The following OAT variants were observed in gnomAD, a reference collection of about 807,000 sequenced individuals.
OAT encodes ornithine aminotransferase, mitochondrial.
A neutral mutation model predicts 48.4 loss-of-function variants in OAT; 35 were observed. The observed-to-expected ratio is 0.72, with a 90% CI of 0.55 to 0.96. The LOEUF (loss-of-function observed/expected upper bound fraction) is 0.96, where lower values mean the gene tolerates loss of function less well. Ranked by LOEUF, OAT falls within the 40% of genes least tolerant of loss-of-function variation. The pLI is 0.00. For synonymous variants in OAT, 182 were observed against 198.4 expected, an observed-to-expected ratio of 0.92 and a Z score of 0.70; for missense variants, 438 against 537.9, an observed-to-expected ratio of 0.81 and a Z score of 1.84.
intron 2 of OAT, among the ~76,000 whole-genome samples, chr10:124,409,831 TA>T (rs1401771981): frequency 2.0e-5 from 3 of 152,164 alleles, no homozygotes; most frequent in Admixed American, 1.3e-4. Context: ...TCAACATCAC[TA>T]ATCATTAGGA....
chr10:124,400,996 GA>G lies in OAT; in HGVS notation c.1015-13del. Reference sequence around the variant, plus strand: ...TCTTCTTCTAAAACCTACGTTTAAAGAAAAATTATACAAATATTAAGACTGT... The same window carrying G: ...TCTTCTTCTAAAACCTACGTTTAAAGAAAATTATACAAATATTAAGACTGT... On this transcript the variant is annotated splice_polypyrimidine_tract_variant and intron_variant, in intron 8 of 9. Transcript: ENST00000368845. The G allele has an allele frequency of 6.3e-7, 1 of 1,599,018 alleles. No homozygotes were observed.
rs144131321 is a variant in OAT, at chr10:124,402,983, T to A, written c.844A>T (p.Asn282Tyr). 2 of 1,614,000 alleles carry A rather than the reference T, an allele frequency of 1.2e-6. No homozygotes were observed. Among genetic ancestry groups the A allele is most frequent in the Non-Finnish European group, 1.7e-6 (2 of 1,180,022 alleles). Residue 282 changes from asparagine to tyrosine, a missense_variant, in exon 7 of 10, where the codon AAT (asparagine) becomes TAT (tyrosine). Asn to Tyr is a moderately radical substitution (Grantham distance 143, BLOSUM62 -2). Coordinates refer to ENST00000368845, the MANE Select transcript of OAT (RefSeq NM_000274.4). ...TGRWLAVDYE[N>Y]VRPDIVLLGK... ...AGGAGGACTATATCAGGTCTGACAT[T>A]TTCATAATCAACAGCCAGCCATCTA...
chr10:124,410,807 T>C (rs1270929978), intron 2 of OAT, among the ~76,000 whole-genome samples: 1 of 151,420 alleles, frequency 6.6e-6, no homozygotes, highest in Non-Finnish European at 1.5e-5. Flanking sequence ...CAAAAAGTCA[T>C]TGCGTTTTTG....
At chr10:124,414,977 C>T (rs569798235) in intron 1 of OAT, 3 of 142,278 alleles carry the variant, frequency 2.1e-5, no homozygotes, top group African/African-American at 7.8e-5. Flanking sequence ...ACTTAGGAGA[C>T]TAAGACTAAG....
At position 124,411,973 on chromosome 10, in the gene OAT, CT is replaced by C. The variant is rs1432416419; in HGVS notation, c.198del (p.Gly67ValfsTer7). 3.7e-6 allele frequency: 6 copies of C among 1,613,252 alleles called. No individual in the cohort carries two copies. Among genetic ancestry groups the C allele is most frequent in the Non-Finnish European group, 5.1e-6 (6 of 1,179,558 alleles). ...HPLPVALERG[K>X]GIYLWDVEGR... ...AAAGACGGATTAATTTGAAACGTAC[CT>C]TTTCCTCTCTCCAGGGCTACAGGTA... On this transcript the variant is annotated frameshift_variant and splice_region_variant, in exon 2 of 10. Transcript: ENST00000368845. LOFTEE classifies it high-confidence loss of function.
intron 1 of OAT, among the ~76,000 whole-genome samples, chr10:124,415,512 A>T (rs982483833): frequency 6.6e-6 from 1 of 152,232 alleles, no homozygotes; most frequent in Admixed American, 6.5e-5. Flanking sequence ...GATGTATCAA[A>T]ATCCTGTAAA....
Position 124,408,532 on chromosome 10 carries a change from T to G in OAT, c.520+10A>C, listed in dbSNP as rs747375268. Reference sequence around the variant, plus strand: ...TTCAATCATAGAAGTTAATATTTAATTTCACATACCTGCAAAAACAATCTT... The same window carrying G: ...TTCAATCATAGAAGTTAATATTTAAGTTCACATACCTGCAAAAACAATCTT... On this transcript the variant is annotated intron_variant, in intron 4 of 9. Transcript: ENST00000368845. The G allele has an allele frequency of 1.3e-6, 2 of 1,597,600 alleles. No individual in the cohort carries two copies. Among genetic ancestry groups the G allele is most frequent in the South Asian group, 2.2e-5 (2 of 90,694 alleles).
Position 124,403,807 on chromosome 10 carries a change from G to C in OAT, c.762C>G (p.Thr254=). The part of the protein sequence containing the change: ...GYLMGVRELC[T]RHQVLFIADE... Reference sequence around the variant, plus strand: ...CAGCTAACGTGACAACCTGGTGCCTGGTGCAGAGCTCTCGCACTCCCATTA... The same window carrying C: ...CAGCTAACGTGACAACCTGGTGCCTCGTGCAGAGCTCTCGCACTCCCATTA... Residue 254 remains threonine, a synonymous_variant, in exon 6 of 10, where the codon ACC becomes ACG. Coordinates refer to ENST00000368845, the MANE Select transcript of OAT (RefSeq NM_000274.4). The C allele has an allele frequency of 6.2e-7, 1 of 1,614,122 alleles. No homozygotes were observed.
intron 1 of OAT, among the ~76,000 whole-genome samples, chr10:124,413,479 T>C (rs1473187962): frequency 1.3e-5 from 2 of 151,938 alleles, no homozygotes; most frequent in Non-Finnish European, 2.9e-5. Context: ...GAATCGGGAG[T>C]TCGAGACCAG....
intron 9 of OAT, among the ~76,000 whole-genome samples, chr10:124,400,349 G>A (rs1951366665): frequency 6.6e-6 from 1 of 151,674 alleles, no homozygotes; most frequent in South Asian, 2.1e-4. Context: ...TCGGGAGGCT[G>A]AGGCAGGAGA....
chr10:124,404,292 G>C (rs1195057459), intron 5 of OAT, among the ~76,000 whole-genome samples: 1 of 150,216 alleles, frequency 6.7e-6, no homozygotes, highest in Non-Finnish European at 1.5e-5. Context: ...TTTGGAGATG[G>C]AGTCTCACTC....
intron 6 of OAT, 49 bp from the exon 7 acceptor site, chr10:124,403,104 A>C: frequency 6.2e-7 from 1 of 1,604,166 alleles, no homozygotes; most frequent in East Asian, 2.2e-5. Flanking sequence ...TCGTTTCCAC[A>C]GGGAAAATAG....
chr10:124,408,789 A>C lies in OAT; in HGVS notation c.376T>G (p.Tyr126Asp). 6.2e-7 allele frequency: 1 copy of C among 1,612,020 alleles called. No individual in the cohort carries two copies. The highest frequency in any genetic ancestry group is 8.5e-7 in the Non-Finnish European group (1 of 1,179,498). The part of the protein sequence containing the change: ...YNNVLGEYEE[Y>D]ITKLFNYHKV... ...TGGTAGTTGAAAAGTTTAGTAATATACTCCTCATATTCACCAAGTACGTTA... is the reference window on the plus strand; with the variant it reads ...TGGTAGTTGAAAAGTTTAGTAATATCCTCCTCATATTCACCAAGTACGTTA... Residue 126 changes from tyrosine (Y) to aspartate (D), a missense_variant, in exon 3 of 10, where the codon TAT becomes GAT. Physicochemically the swap from Tyr to Asp is radical, Grantham distance 160. Transcript: ENST00000368845.
intron 1 of OAT, among the ~76,000 whole-genome samples, chr10:124,418,659 G>GCC (rs1951996911): frequency 6.6e-6 from 1 of 151,670 alleles, no homozygotes; most frequent in South Asian, 2.1e-4. Context: ...GCCGGCCGGA[G>GCC]ACTCCAGGGC....
Position 124,398,230 on chromosome 10 carries a change from G to A in OAT, c.1160-128C>T, listed in dbSNP as rs1951292790. ...ACTTGCTCAACTAAGGGAAGCTTGG[G>A]CTGGGAGCGGTGGCTTATGCCTGTA... On this transcript the variant is annotated intron_variant, in intron 9 of 9. Transcript: ENST00000368845. The A allele has an allele frequency of 5.7e-6, 6 of 1,056,870 alleles. No homozygotes were observed. The East Asian group carries it at 1.6e-4, about 28-fold the overall frequency. The allele number at this position is 1,056,870 out of a possible 1,614,324, so 65.5% of individuals were successfully genotyped here. A position where few individuals can be genotyped will look rare whatever the true frequency, so the allele number is the denominator to read the frequency against.
rs763750788 is a variant in OAT, at chr10:124,401,735, T to C, written c.1005A>G (p.Ala335=). The C allele has an allele frequency of 6.2e-6, 10 of 1,610,254 alleles. No homozygotes were observed. The South Asian group carries it at 1.1e-4, about 18-fold the overall frequency. ...CTGTATCAGTCTTTACCTCAAGGGCTGCGATGGCCACTCGGCAGCCTAGTG... is the reference window on the plus strand; with the variant it reads ...CTGTATCAGTCTTTACCTCAAGGGCCGCGATGGCCACTCGGCAGCCTAGTG... The part of the protein sequence containing the change: ...GNPLGCRVAI[A]ALEVLEEENL... Residue 335 remains alanine (A), a synonymous_variant, in exon 8 of 10, where the codon GCA becomes GCG. Transcript: ENST00000368845.
Position 124,400,725 on chromosome 10 carries a change from A to G in OAT, c.1159+115T>C, listed in dbSNP as rs12248418. 0.091 allele frequency: 74,957 copies of G among 826,170 alleles called. 3,916 individuals carry two copies. Among genetic ancestry groups the G allele is most frequent in the African/African-American group, 0.15 (8,693 of 58,752 alleles). 51.2% of individuals were successfully genotyped at this position (826,170 alleles called of 1,614,324 possible). A position where few individuals can be genotyped will look rare whatever the true frequency, so the allele number is the denominator to read the frequency against. ...AGATTGCGCCACGGCACTGCAGCCT[A>G]GGAGACAGAGCAAGACTCCGTCTCG... On this transcript the variant is annotated intron_variant, in intron 9 of 9. Coordinates refer to ENST00000368845, the MANE Select transcript of OAT (RefSeq NM_000274.4).
Position 124,400,944 on chromosome 10 carries a change from A to C in OAT, c.1055T>G (p.Leu352Trp), listed in dbSNP as rs1032881888. The C allele has an allele frequency of 6.2e-7, 1 of 1,611,444 alleles. No homozygotes were observed. Among genetic ancestry groups the C allele is most frequent in the African/African-American group, 1.3e-5 (1 of 74,952 alleles). The change falls in exon 9 of 10, where the codon TTG becomes TGG. Residue 352 changes from leucine to tryptophan, a missense_variant. Leu to Trp is a moderately conservative substitution (Grantham distance 61). Transcript: ENST00000368845. ...EENLAENADK[L>W]GIILRNELMK... ...GAGTTCATTTCTCAAGATAATGCCCAATTTGTCTGCATTTTCAGCAAGGTT... is the reference window on the plus strand; with the variant it reads ...GAGTTCATTTCTCAAGATAATGCCCCATTTGTCTGCATTTTCAGCAAGGTT...
rs1217271255 is a variant in OAT at position 124,403,063 on chromosome 10, G to A, written c.772-8C>T. The A allele has an allele frequency of 6.2e-7, 1 of 1,612,964 alleles. No individual in the cohort carries two copies. The highest frequency in any genetic ancestry group is 1.7e-5 in the Admixed American group (1 of 59,886). ...ATCAGCAATAAAGAGAACCTATTGG[G>A]GAAAAAAAATACCCCTATTAGTGAT... is the stretch of plus-strand genomic sequence containing the variant. On this transcript the variant is annotated splice_region_variant and splice_polypyrimidine_tract_variant and intron_variant, in intron 6 of 9. Transcript: ENST00000368845.
Sources: gnomAD v4.1 joint callset for allele counts (sites outside exome capture counted in the v4.1 genomes callset) on GRCh38, gnomAD v4.1.1 for gene constraint, MANE v1.5 for transcripts, NCBI Gene and HGNC (gene_info 2026-07-23, HGNC 2026-07-21) for gene names.